The following LRP1B variants were observed in gnomAD, a reference collection of about 807,000 sequenced individuals.
LRP1B encodes LDL receptor related protein 1B.
Under a neutral mutation model 556.6 loss-of-function variants are expected in LRP1B, and 217 were observed. The ratio of observed to expected loss-of-function variants is 0.39; its 90% CI spans 0.35 to 0.44. LRP1B has a LOEUF of 0.44. Ranked by LOEUF, LRP1B falls within the 20% of genes least tolerant of loss-of-function variation. The pLI, the probability that LRP1B is intolerant of heterozygous loss-of-function variation, is 1.00. For synonymous variants in LRP1B, 2,047 were observed against 1,865.8 expected, an observed-to-expected ratio of 1.10 and a Z score of -2.50; for missense variants, 5,053 against 5,620.8, an observed-to-expected ratio of 0.90 and a Z score of 3.23.
intron 1 of LRP1B, among the ~76,000 whole-genome samples, chr2:141,844,370 GTAACTTTGTTACCTAGCTATGTTCCA>G (rs1022717989): frequency 1.3e-5 from 2 of 152,024 alleles, no homozygotes; most frequent in Non-Finnish European, 2.9e-5. Flanking sequence ...CACAGTATTA[GTAACTTTGTTACCTAGCTATGTTCCA>G]TAACTTTGTT....
chr2:141,977,299 C>T (rs570507033), intron 1 of LRP1B, among the ~76,000 whole-genome samples: 12 of 152,214 alleles, frequency 7.9e-5, no homozygotes, highest in South Asian at 2.1e-4. Context: ...CCACTGGGCA[C>T]GGTGGCTCAC....
rs1347447060 is a variant in LRP1B, at chr2:140,323,593, TAAAGTA to T, written c.12514+294_12514+299del. On this transcript the variant is annotated intron_variant, in intron 81 of 90. Coordinates refer to ENST00000389484, the MANE Select transcript of LRP1B (RefSeq NM_018557.3). ...CATTGTGCACATGTACCCTAAAACT[TAAAGTA>T]TAATAATAATAAAATAAAAGAATTT... is the stretch of plus-strand genomic sequence containing the variant. 2.6e-5 allele frequency among the ~76,000 whole-genome samples: 4 copies of T among 151,892 alleles called. No individual in the cohort carries two copies. The East Asian group carries it at 5.8e-4, about 22-fold the overall frequency.
intron 43 of LRP1B, among the ~76,000 whole-genome samples, chr2:140,544,112 C>A (rs867734086): frequency 2.0e-5 from 3 of 151,876 alleles, no homozygotes; most frequent in Non-Finnish European, 4.4e-5. Context: ...GTAATAAAAA[C>A]ATTTATATTC....
intron 2 of LRP1B, among the ~76,000 whole-genome samples, chr2:141,606,130 A>G (rs78571755): frequency 0.031 from 4,712 of 152,278 alleles, 115 homozygotes; most frequent in South Asian, 0.063. Flanking sequence ...ATGCTCTTCC[A>G]TGGGAAATAA....
intron 2 of LRP1B, among the ~76,000 whole-genome samples, chr2:141,779,419 CT>C (rs34529015): frequency 0.02 from 2,592 of 130,780 alleles, 39 homozygotes; most frequent in African/African-American, 0.053. Flanking sequence ...AAAATAAAAA[CT>C]TTTTTTTTTT....
intron 29 of LRP1B, among the ~76,000 whole-genome samples, chr2:140,848,427 A>G (rs144202951): frequency 5.3e-4 from 80 of 152,334 alleles, no homozygotes; most frequent in Non-Finnish European, 1.0e-3. Flanking sequence ...CTAACCTGAG[A>G]TCAGAAAAGA....
chr2:140,650,925 G>C (rs1286075477), intron 41 of LRP1B, among the ~76,000 whole-genome samples: 1 of 152,026 alleles, frequency 6.6e-6, no homozygotes, highest in South Asian at 2.1e-4. Flanking sequence ...AACTCTAATA[G>C]AATAAACATG....
chr2:140,620,502 T>C (rs1683411917), intron 41 of LRP1B, among the ~76,000 whole-genome samples: 1 of 152,220 alleles, frequency 6.6e-6, no homozygotes, highest in Non-Finnish European at 1.5e-5. Context: ...TTGGAAAGTA[T>C]GCATTAATCT....
intron 7 of LRP1B, among the ~76,000 whole-genome samples, chr2:141,131,673 TA>T (rs147046211): frequency 0.13 from 18,981 of 149,640 alleles, 1,287 homozygotes; most frequent in Middle Eastern, 0.24. Flanking sequence ...TGGGAATCCA[TA>T]AAAAAAAAGA....
chr2:140,944,841 G>T (rs566950684), intron 20 of LRP1B, among the ~76,000 whole-genome samples: 1 of 152,120 alleles, frequency 6.6e-6, no homozygotes, highest in African/African-American at 2.4e-5. Context: ...TTTCCCCTAA[G>T]GATTGGAACA....
chr2:140,966,354 T>A (rs574803603), intron 18 of LRP1B, among the ~76,000 whole-genome samples: 27 of 152,244 alleles, frequency 1.8e-4, no homozygotes, highest in Non-Finnish European at 3.7e-4. Context: ...TGTCTTCTTT[T>A]GAGAAGTGTC....
chr2:140,985,499 A>G (rs1439985983), intron 17 of LRP1B, among the ~76,000 whole-genome samples: 1 of 151,672 alleles, frequency 6.6e-6, no homozygotes, highest in East Asian at 1.9e-4. Context: ...AGGAATGATC[A>G]TGTTACTACG....
At chr2:140,629,224 T>C (rs1159497474) in intron 41 of LRP1B, among the ~76,000 whole-genome samples, 1 of 127,360 alleles carries the variant, frequency 7.9e-6, no homozygotes, top group Admixed American at 7.8e-5. Flanking sequence ...CAGCTAATTC[T>C]TTTTTTTTTT....
At chr2:140,976,359 C>T (rs913423653) in intron 18 of LRP1B, among the ~76,000 whole-genome samples, 5 of 151,916 alleles carry the variant, frequency 3.3e-5, no homozygotes, top group South Asian at 2.1e-4. Context: ...AGAGCATTTA[C>T]AAGTAAGACT....
chr2:141,155,202 A>C (rs1442878630), intron 7 of LRP1B, among the ~76,000 whole-genome samples: 1 of 151,896 alleles, frequency 6.6e-6, no homozygotes, highest in African/African-American at 2.4e-5. Flanking sequence ...TGAGAAACAA[A>C]TATCTTACTT....
intron 1 of LRP1B, among the ~76,000 whole-genome samples, chr2:141,937,528 G>T (rs1054073592): frequency 6.6e-6 from 1 of 151,686 alleles, no homozygotes; most frequent in African/African-American, 2.4e-5. Context: ...TCCCAAGATC[G>T]TCTATCATTC....
intron 75 of LRP1B, among the ~76,000 whole-genome samples, 159 bp from the exon 76 acceptor site, chr2:140,353,231 T>C (rs1202388550): frequency 6.6e-6 from 1 of 152,180 alleles, no homozygotes; most frequent in African/African-American, 2.4e-5. Context: ...TTTTTGAAGG[T>C]ATAATCATTT....
At chr2:140,761,048 T>A (rs1573679712) in intron 35 of LRP1B, among the ~76,000 whole-genome samples, 2 of 152,206 alleles carry the variant, frequency 1.3e-5, no homozygotes, top group African/African-American at 4.8e-5. Flanking sequence ...TGAATTTAAA[T>A]CCCATCTTTG....
chr2:141,588,857 T>C (rs936243135), intron 2 of LRP1B, among the ~76,000 whole-genome samples: 4 of 152,230 alleles, frequency 2.6e-5, no homozygotes, highest in African/African-American at 9.6e-5. Context: ...ATAAATTTTA[T>C]GTGTTATATG....
Sources: allele counts gnomAD v4.1 joint callset (sites outside exome capture counted in the v4.1 genomes callset), GRCh38; gene constraint gnomAD v4.1.1; transcripts MANE v1.5; gene names NCBI Gene and HGNC (gene_info 2026-07-23, HGNC 2026-07-21).